Variants in CDC25C observed in about 807,000 individuals in gnomAD.
CDC25C encodes M-phase inducer phosphatase 3.
A neutral mutation model predicts 52.5 loss-of-function variants in CDC25C; 48 were observed. The ratio of observed to expected loss-of-function variants is 0.91; its 90% CI spans 0.72 to 1.16. The LOEUF is 1.16. CDC25C is among the 50% of genes most tolerant of loss of function. CDC25C has a pLI of 0.00. For synonymous variants in CDC25C, 187 were observed against 206.5 expected (o/e 0.91, Z 0.81); for missense variants, 510 against 566.1 (o/e 0.90, Z 1.01).
At chr5:138,299,369 G>A (rs553844185) in intron 7 of CDC25C, among the ~76,000 whole-genome samples, 2 of 150,246 alleles carry the variant, frequency 1.3e-5, no homozygotes, top group South Asian at 2.1e-4. Context: ...GGTAGGGTAC[G>A]CCTGTAATCT....
At chr5:138,295,903 G>A (rs1008850400) in intron 7 of CDC25C, among the ~76,000 whole-genome samples, 2 of 152,018 alleles carry the variant, frequency 1.3e-5, no homozygotes, top group African/African-American at 4.8e-5. Context: ...CACTGAGAAA[G>A]CCAAAAAGAA....
At chr5:138,321,567 C>A (rs1334109005) in intron 6 of CDC25C, among the ~76,000 whole-genome samples, 1 of 151,762 alleles carries the variant, frequency 6.6e-6, no homozygotes, top group Non-Finnish European at 1.5e-5. Flanking sequence ...TCCTGGCCAA[C>A]ATGGTGAAAC....
rs1554117939 is a variant in CDC25C at position 138,313,995 on chromosome 5, C to CTTTCTTTCTT, written c.615+5223_615+5224insAAGAAAGAAA. 4.5e-3 allele frequency among the ~76,000 whole-genome samples: 505 copies of CTTTCTTTCTT among 112,652 alleles called. 3 individuals are homozygous for CTTTCTTTCTT. Among genetic ancestry groups the CTTTCTTTCTT allele is most frequent in the South Asian group, 6.6e-3 (22 of 3,354 alleles). 73.9% of individuals were successfully genotyped at this position (112,652 alleles called of 152,430 possible). A position where few individuals can be genotyped will look rare whatever the true frequency, so the allele number is the denominator to read the frequency against. ...TCTTTCTTTCTTTCTTTCTTTCTTT[C>CTTTCTTTCTT]TTTTTTTTTTTTTTTTGAGATGGAG... On this transcript the variant is annotated intron_variant, in intron 7 of 13. Coordinates refer to ENST00000323760, the MANE Select transcript of CDC25C (RefSeq NM_001790.5).
rs1381911650 is a variant in CDC25C, at chr5:138,329,585, T to A, written c.257A>T (p.Gln86Leu). Residue 86 changes from glutamine to leucine, a missense_variant, in exon 3 of 14, where the codon CAG becomes CTG. By Grantham distance (113) the Gln-to-Leu change is moderately radical. Coordinates refer to ENST00000323760, the MANE Select transcript of CDC25C (RefSeq NM_001790.5). ...NLSSGEITATQLTTSADLDET... is the reference protein window; with the variant it reads ...NLSSGEITATLLTTSADLDET... ...ATCAAGGTCTGCAGAAGTGGTAAGC[T>A]GAGTGGCAGTTATCTCCCCACTGCT... The A allele has an allele frequency of 8.1e-6, 13 of 1,613,580 alleles. No individual in the cohort carries two copies. The highest frequency in any genetic ancestry group is 1.0e-5 in the Non-Finnish European group (12 of 1,179,522).
At chr5:138,334,117 A>G (rs545732370), upstream of CDC25C, among the ~76,000 whole-genome samples, 20 of 151,118 alleles carry the variant, frequency 1.3e-4, no homozygotes, top group African/African-American at 4.4e-4. Context: ...TATTTTTAAT[A>G]GAGGTGGGGT....
intron 1 of CDC25C, chr5:138,337,737 C>T (rs1760810768): frequency 2.9e-6 from 1 of 345,156 alleles, no homozygotes; most frequent in Non-Finnish European, 5.6e-6. Flanking sequence ...CGAGCAGGCC[C>T]TAATCCGCGC....
At position 138,309,342 on chromosome 5, in the gene CDC25C, G is replaced by A. The variant is rs543614745; in HGVS notation, c.615+9877C>T. On this transcript the variant is annotated intron_variant, in intron 7 of 13. Transcript: ENST00000323760. ...AGGCCAAAGCAGGTGGATCACCTGA[G>A]ATCAGGAGTTCAAGACCAGCCTGGC... is the stretch of plus-strand genomic sequence containing the variant. Among the ~76,000 whole-genome samples the A allele has an allele frequency of 2.0e-5, 3 of 152,240 alleles. No individual in the cohort carries two copies. In the South Asian group the frequency reaches 6.2e-4, roughly 32 times the overall value.
intron 6 of CDC25C, among the ~76,000 whole-genome samples, chr5:138,323,451 C>T (rs2126812444): frequency 6.6e-6 from 1 of 152,036 alleles, no homozygotes; most frequent in Admixed American, 6.5e-5. Flanking sequence ...GCATGCACCA[C>T]CAAGTCCCAG....
intron 7 of CDC25C, among the ~76,000 whole-genome samples, chr5:138,306,569 G>A (rs776282844): frequency 9.9e-5 from 15 of 151,962 alleles, no homozygotes; most frequent in Non-Finnish European, 1.3e-4. Context: ...TCCACCTCCC[G>A]GGTTCAAGCA....
At chr5:138,329,757 G>C in intron 2 of CDC25C, 110 bp from the exon 3 acceptor site, 1 of 513,210 alleles carries the variant, frequency 1.9e-6, no homozygotes, top group Non-Finnish European at 3.3e-6. Flanking sequence ...TTGCAGTGGA[G>C]TCTTGCTCTG....
chr5:138,338,224 G>T, exon 1 of CDC25C: 1 of 1,255,604 alleles, frequency 8.0e-7, no homozygotes, highest in Non-Finnish European at 1.0e-6. Context: ...GTTGGTTCGC[G>T]CCAGCGCCTT....
At chr5:138,325,943 A>C in intron 5 of CDC25C, 39 bp from the exon 6 acceptor site, 4 of 1,610,358 alleles carry the variant, frequency 2.5e-6, no homozygotes, top group Non-Finnish European at 2.5e-6. Context: ...CAGCATCCTC[A>C]AGCCACAGGT....
chr5:138,293,463 C>T (rs1045802724), intron 7 of CDC25C, among the ~76,000 whole-genome samples: 1 of 152,016 alleles, frequency 6.6e-6, no homozygotes, highest in Admixed American at 6.6e-5. Context: ...TATGGTGAGG[C>T]ACTGAGGAGT....
At chr5:138,300,556 C>A (rs1269412721) in intron 7 of CDC25C, among the ~76,000 whole-genome samples, 3 of 150,356 alleles carry the variant, frequency 2.0e-5, no homozygotes, top group Non-Finnish European at 3.0e-5. Flanking sequence ...GAGTGAGACT[C>A]TGTCTCAAAA....
In CDC25C at chr5:138,290,722, T is replaced by C. The variant is rs750034860; in HGVS notation, c.781A>G (p.Thr261Ala). 4 of 1,607,194 alleles carry C rather than the reference T, an allele frequency of 2.5e-6. No individual in the cohort carries two copies. The South Asian group carries it at 3.3e-5, about 13-fold the overall frequency. Reference sequence around the variant, plus strand: ...ATAGTAATGTCACACAGAGAGACTGTCTTCTTTAAACATAAGCCCTGAAGA... The same window carrying C: ...ATAGTAATGTCACACAGAGAGACTGCCTTCTTTAAACATAAGCCCTGAAGA... Reference protein sequence around the residue: ...KLRKGLCLKKTVSLCDITITQ... With the variant: ...KLRKGLCLKKAVSLCDITITQ... Residue 261 changes from threonine (T) to alanine (A), a missense_variant, in exon 9 of 14, where the codon ACA (threonine) becomes GCA (alanine). Physicochemically the swap from Thr to Ala is moderately conservative, Grantham distance 58. Transcript: ENST00000323760.
intron 4 of CDC25C, among the ~76,000 whole-genome samples, chr5:138,327,746 T>C (rs777612023): frequency 6.6e-6 from 1 of 152,126 alleles, no homozygotes; most frequent in Non-Finnish European, 1.5e-5. Flanking sequence ...GTCTCCACGT[T>C]ACAAATAAAA....
At chr5:138,331,491 T>TC (rs1196720460) in intron 1 of CDC25C, 104 bp downstream of exon 1, 2 of 860,108 alleles carry the variant, frequency 2.3e-6, no homozygotes, top group Non-Finnish European at 3.1e-6. Flanking sequence ...CTCGCGATAG[T>TC]CCCCATTCGG....
intron 1 of CDC25C, chr5:138,337,843 A>C: frequency 1.6e-6 from 1 of 614,038 alleles, no homozygotes; most frequent in Non-Finnish European, 2.5e-6. Context: ...AGGGCGGGGC[A>C]GCAGAGCAGG....
chr5:138,331,471 G>T, intron 1 of CDC25C, 124 bp downstream of exon 1: 1 of 717,798 alleles, frequency 1.4e-6, no homozygotes. Flanking sequence ...AAAGAACCCG[G>T]GTCTCGTAAC....
Sources: allele counts gnomAD v4.1 joint callset (sites outside exome capture counted in the v4.1 genomes callset), GRCh38; gene constraint gnomAD v4.1.1; transcripts MANE v1.5; gene names NCBI Gene and HGNC (gene_info 2026-07-23, HGNC 2026-07-21).